The following GLI2 variants were observed in gnomAD, a reference collection of about 807,000 sequenced individuals.
The protein encoded by GLI2 is GLI family zinc finger 2, also known as transcription activator GLI2.
In GLI2, 22 loss-of-function variants were observed where a neutral mutation model predicts 78.9. The observed-to-expected ratio is 0.28, with a 90% CI of 0.20 to 0.40. The LOEUF (loss-of-function observed/expected upper bound fraction) is 0.40. Ranked by LOEUF, GLI2 falls within the 10% of genes least tolerant of loss-of-function variation. GLI2 has a pLI of 1.00. For missense variants in GLI2, 2,097 were observed against 2,213.2 expected (o/e 0.95, Z 1.05); for synonymous variants, 974 against 963.7 (o/e 1.01, Z -0.20).
intron 5 of GLI2, among the ~76,000 whole-genome samples, chr2:120,962,462 C>G (rs115782044): frequency 6.6e-6 from 1 of 152,144 alleles, no homozygotes; most frequent in African/African-American, 2.4e-5. Flanking sequence ...CAGCACTACA[C>G]GAGGGGCTGA....
intron 2 of GLI2, among the ~76,000 whole-genome samples, chr2:120,810,722 C>T (rs758180383): frequency 1.3e-5 from 2 of 152,238 alleles, no homozygotes; most frequent in East Asian, 1.9e-4. Flanking sequence ...AACAGAAGCC[C>T]GCTCTGGCTC....
At chr2:120,903,428 C>T (rs764112932) in intron 2 of GLI2, among the ~76,000 whole-genome samples, 1 of 152,146 alleles carries the variant, frequency 6.6e-6, no homozygotes, top group Non-Finnish European at 1.5e-5. Context: ...GTTCTGGGTG[C>T]TAGTGACCCT....
intron 2 of GLI2, among the ~76,000 whole-genome samples, chr2:120,828,861 C>CAAAAAAAAAAAA (rs3053863): frequency 1.6e-5 from 2 of 125,978 alleles, no homozygotes; most frequent in Non-Finnish European, 3.2e-5. Context: ...CTTCCAACTC[C>CAAAAAAAAAAAA]AAAAAAAAAA....
chr2:120,804,642 C>T (rs746345), intron 2 of GLI2, among the ~76,000 whole-genome samples: 33 of 152,168 alleles, frequency 2.2e-4, no homozygotes, highest in South Asian at 4.1e-4. Flanking sequence ...ATTTTCAGGA[C>T]GGCTGTTGAT....
Position 120,986,390 on chromosome 2 carries a change from G to A in GLI2, c.2018G>A (p.Ser673Asn). 1 of 1,613,700 alleles carries A rather than the reference G, an allele frequency of 6.2e-7. No individual in the cohort carries two copies. Among genetic ancestry groups the A allele is most frequent in the Non-Finnish European group, 8.5e-7 (1 of 1,179,944 alleles). Residue 673 changes from serine (S) to asparagine (N), a missense_variant, in exon 13 of 14, where the codon AGC (serine) becomes AAC (asparagine). This residue lies in a region of GLI2 where 68 missense variants were observed against 104.4 expected (regional missense o/e 0.65). Transcript: ENST00000361492. ...GVEMPGTGPG[S>N]LGDLTALDDT... Reference sequence around the variant, plus strand: ...GAGATGCCGGGGACGGGGCCCGGGAGCCTGGGAGACCTGACGGCACTGGAT... The same window carrying A: ...GAGATGCCGGGGACGGGGCCCGGGAACCTGGGAGACCTGACGGCACTGGAT...
chr2:120,892,323 C>T (rs1217885181), intron 2 of GLI2, among the ~76,000 whole-genome samples: 1 of 152,194 alleles, frequency 6.6e-6, no homozygotes, highest in East Asian at 1.9e-4. Flanking sequence ...TGAGGAACTA[C>T]GTGGTCATTC....
At chr2:120,923,528 C>T (rs774518572) in intron 2 of GLI2, among the ~76,000 whole-genome samples, 4 of 151,962 alleles carry the variant, frequency 2.6e-5, no homozygotes, top group Non-Finnish European at 4.4e-5. Context: ...AACATCCATG[C>T]ATATGCACAC....
intron 5 of GLI2, among the ~76,000 whole-genome samples, chr2:120,964,955 C>A (rs1179228282): frequency 6.6e-6 from 1 of 152,262 alleles, no homozygotes; most frequent in Non-Finnish European, 1.5e-5. Flanking sequence ...AAGTCACTGA[C>A]CTCTCAAGCA....
At chr2:120,834,043 G>T (rs1454052018) in intron 2 of GLI2, among the ~76,000 whole-genome samples, 1 of 152,172 alleles carries the variant, frequency 6.6e-6, no homozygotes, top group South Asian at 2.1e-4. Flanking sequence ...CTCTGGGGGT[G>T]CTCAGTCCCC....
chr2:120,861,472 G>A (rs987312116), intron 2 of GLI2, among the ~76,000 whole-genome samples: 15 of 152,138 alleles, frequency 9.9e-5, no homozygotes, highest in Non-Finnish European at 1.6e-4. Context: ...GGCTGGAGTC[G>A]CCCACGCTAT....
intron 1 of GLI2, among the ~76,000 whole-genome samples, chr2:120,775,960 A>G (rs79595185): frequency 0.021 from 3,222 of 152,326 alleles, 105 homozygotes; most frequent in African/African-American, 0.073. Context: ...GGCCTCCTCT[A>G]ACGCTCTCGC....
intron 1 of GLI2, among the ~76,000 whole-genome samples, chr2:120,742,679 T>TAAA (rs10522388): frequency 7.7e-4 from 108 of 140,696 alleles, no homozygotes; most frequent in Non-Finnish European, 1.3e-3. Flanking sequence ...AGGATGACTT[T>TAAA]AAAAAAAAAG....
chr2:120,834,353 C>G (rs532826015), intron 2 of GLI2, among the ~76,000 whole-genome samples: 2 of 152,100 alleles, frequency 1.3e-5, no homozygotes, highest in Non-Finnish European at 2.9e-5. Context: ...TAGGGTTGGC[C>G]GGTTTGAATG....
At chr2:120,924,916 G>A (rs1021696968) in intron 2 of GLI2, among the ~76,000 whole-genome samples, 2 of 152,218 alleles carry the variant, frequency 1.3e-5, no homozygotes, top group Non-Finnish European at 2.9e-5. Flanking sequence ...CCTGTGTGTG[G>A]GCTTTTTACG....
chr2:120,930,526 G>A (rs1345499771), intron 3 of GLI2, among the ~76,000 whole-genome samples: 1 of 152,214 alleles, frequency 6.6e-6, no homozygotes, highest in East Asian at 1.9e-4. Flanking sequence ...GACGAGTCCA[G>A]CCGAGCCCTT....
chr2:120,971,682 G>A (rs1330855452), intron 7 of GLI2, among the ~76,000 whole-genome samples: 1 of 152,196 alleles, frequency 6.6e-6, no homozygotes, highest in African/African-American at 2.4e-5. Context: ...CAAAGAGAAG[G>A]TCTCTTTCCC....
intron 1 of GLI2, among the ~76,000 whole-genome samples, chr2:120,787,999 TGGGGCAGCCTCCAGGCACTGCTCA>T (rs1684045411): frequency 6.6e-6 from 1 of 152,124 alleles, no homozygotes; most frequent in African/African-American, 2.4e-5. Flanking sequence ...CTTCTGTTGG[TGGGGCAGCCTCCAGGCACTGCTCA>T]GGGGCAGGCC....
intron 2 of GLI2, among the ~76,000 whole-genome samples, chr2:120,829,468 G>A (rs998032164): frequency 1.3e-5 from 2 of 152,180 alleles, no homozygotes; most frequent in Non-Finnish European, 2.9e-5. Context: ...CTTAACAGCT[G>A]TGTGACATTC....
At chr2:120,871,094 G>A (rs1688405409) in intron 2 of GLI2, among the ~76,000 whole-genome samples, 1 of 152,272 alleles carries the variant, frequency 6.6e-6, no homozygotes, top group African/African-American at 2.4e-5. Context: ...AAAAGCAGGA[G>A]AATAAGGCAG....
Sources: allele counts gnomAD v4.1 joint callset (sites outside exome capture counted in the v4.1 genomes callset), GRCh38; gene constraint gnomAD v4.1.1; regional missense constraint gnomAD v4.1.1; transcripts MANE v1.5; gene names NCBI Gene and HGNC (gene_info 2026-07-23, HGNC 2026-07-21).